Variants in MCF2L2 observed in about 807,000 individuals in gnomAD.
MCF2L2 encodes MCF.2 cell line derived transforming sequence-like 2.
MCF2L2 carries 102 observed loss-of-function variants against 150.2 expected under a neutral mutation model. That is an observed-to-expected ratio of 0.68 (90% CI 0.58 to 0.80). The LOEUF is 0.80. MCF2L2 is among the 30% of genes least tolerant of loss of function. The pLI is 0.00. For synonymous variants in MCF2L2, 465 were observed against 491.3 expected, an observed-to-expected ratio of 0.95 and a Z score of 0.71; for missense variants, 1,256 against 1,372.8, an observed-to-expected ratio of 0.91 and a Z score of 1.34.
intron 1 of MCF2L2, among the ~76,000 whole-genome samples, chr3:183,413,294 T>C (rs1310643385): frequency 2.6e-5 from 4 of 152,210 alleles, no homozygotes; most frequent in Non-Finnish European, 4.4e-5. Context: ...TAACAGTTGA[T>C]TAACACTAAT....
chr3:183,392,115 T>C (rs886976106), intron 1 of MCF2L2, among the ~76,000 whole-genome samples: 5 of 152,190 alleles, frequency 3.3e-5, no homozygotes, highest in African/African-American at 1.2e-4. Context: ...GTGTAATTTA[T>C]TGTTCTTACA....
At chr3:183,408,087 C>T (rs1715132997) in intron 1 of MCF2L2, among the ~76,000 whole-genome samples, 1 of 150,490 alleles carries the variant, frequency 6.6e-6, no homozygotes, top group Admixed American at 6.6e-5. Flanking sequence ...TTTGCTCTCC[C>T]ATCTTCGGAA....
At chr3:183,371,524 G>A (rs985455799) in intron 3 of MCF2L2, among the ~76,000 whole-genome samples, 3 of 149,180 alleles carry the variant, frequency 2.0e-5, no homozygotes, top group African/African-American at 7.4e-5. Flanking sequence ...CTGTAGTGCA[G>A]TGGGGTGATC....
At chr3:183,251,149 T>C (rs1169913412) in intron 15 of MCF2L2, among the ~76,000 whole-genome samples, 1 of 152,332 alleles carries the variant, frequency 6.6e-6, no homozygotes, top group African/African-American at 2.4e-5. Context: ...CGTGATGTGT[T>C]TGAATTCACA....
intron 3 of MCF2L2, among the ~76,000 whole-genome samples, chr3:183,368,579 C>G (rs1712676510): frequency 6.6e-6 from 1 of 152,208 alleles, no homozygotes; most frequent in Admixed American, 6.5e-5. Flanking sequence ...GCCTGGCCAA[C>G]ATGGTGAAAC....
intron 10 of MCF2L2, among the ~76,000 whole-genome samples, chr3:183,301,219 CTA>C (rs1728832006): frequency 6.6e-6 from 1 of 152,016 alleles, no homozygotes. Context: ...TGAGAACCTG[CTA>C]TTTGCCAAAC....
intron 26 of MCF2L2, among the ~76,000 whole-genome samples, chr3:183,193,563 A>C (rs182071075): frequency 7.0e-4 from 107 of 152,060 alleles, no homozygotes; most frequent in East Asian, 9.7e-4. Flanking sequence ...GTTGGCCAGG[A>C]TGGTCTTGAT....
chr3:183,215,977 C>T lies in MCF2L2; in HGVS notation c.2488G>A (p.Glu830Lys). The change falls in exon 22 of 30, where the codon GAA (glutamate) becomes AAA (lysine). Residue 830 changes from glutamate to lysine, a missense_variant. By Grantham distance (56) the Glu-to-Lys change is moderately conservative (BLOSUM62 1). Coordinates refer to ENST00000328913, the MANE Select transcript of MCF2L2 (RefSeq NM_015078.4). ...ELAVDLAAVT[E>K]CPDDIGKLGK... ...ACTACTATGGAACATACCGGACATTCAGTCACTGCTGCTAGGTCCACAGCC... is the reference window on the plus strand; with the variant it reads ...ACTACTATGGAACATACCGGACATTTAGTCACTGCTGCTAGGTCCACAGCC... 6.2e-7 allele frequency: 1 copy of T among 1,613,358 alleles called. No homozygotes were observed. The highest frequency in any genetic ancestry group is 8.5e-7 in the Non-Finnish European group (1 of 1,179,630).
chr3:183,239,223 T>C (rs552482727), intron 15 of MCF2L2, among the ~76,000 whole-genome samples: 3 of 152,268 alleles, frequency 2.0e-5, no homozygotes, highest in East Asian at 1.9e-4. Flanking sequence ...TGCACTAATG[T>C]ACTCTGCGTT....
intron 26 of MCF2L2, among the ~76,000 whole-genome samples, chr3:183,193,644 G>A (rs1026223677): frequency 7.2e-5 from 11 of 152,144 alleles, no homozygotes; most frequent in African/African-American, 2.2e-4. Context: ...AATCTTAAAG[G>A]GGGAAGAGAT....
intron 2 of MCF2L2, among the ~76,000 whole-genome samples, chr3:183,384,842 G>A (rs982663066): frequency 3.3e-5 from 5 of 152,120 alleles, no homozygotes; most frequent in Non-Finnish European, 5.9e-5. Flanking sequence ...GAGTATATTC[G>A]TTGTAGTTGT....
chr3:183,180,318 G>A, intron 27 of MCF2L2, 159 bp from the exon 28 acceptor site: 1 of 574,502 alleles, frequency 1.7e-6, no homozygotes, highest in South Asian at 2.3e-5. Context: ...CTGTGAGGGG[G>A]TCTGTGATCT....
chr3:183,374,778 G>C (rs1394349083), intron 3 of MCF2L2: 1 of 152,124 alleles, frequency 6.6e-6, no homozygotes, highest in Non-Finnish European at 1.5e-5. Flanking sequence ...TCCAGGTTTG[G>C]GCTGTGTTCA....
intron 2 of MCF2L2, among the ~76,000 whole-genome samples, chr3:183,389,406 A>G (rs1422875251): frequency 6.6e-6 from 1 of 152,252 alleles, no homozygotes; most frequent in African/African-American, 2.4e-5. Flanking sequence ...AGCTGATGTC[A>G]GTAGTTGTCT....
At chr3:183,206,053 A>C in intron 24 of MCF2L2, 69 bp downstream of exon 24, 1 of 1,564,624 alleles carries the variant, frequency 6.4e-7, no homozygotes, top group Non-Finnish European at 8.8e-7. Context: ...GATAGAAAAC[A>C]CTTGTCAAGT....
chr3:183,352,671 T>G (rs1711548135), intron 3 of MCF2L2, among the ~76,000 whole-genome samples: 2 of 152,060 alleles, frequency 1.3e-5, no homozygotes, highest in African/African-American at 4.8e-5. Flanking sequence ...CATCAGTAGC[T>G]CTTGAGTAAA....
At chr3:183,191,977 A>AC (rs1294954513) in intron 27 of MCF2L2, among the ~76,000 whole-genome samples, 1 of 145,048 alleles carries the variant, frequency 6.9e-6, no homozygotes, top group Non-Finnish European at 1.5e-5. Flanking sequence ...AGTAGCTGGG[A>AC]CTACAGGCGC....
intron 7 of MCF2L2, among the ~76,000 whole-genome samples, chr3:183,313,857 G>C (rs1170812283): frequency 6.6e-6 from 1 of 152,172 alleles, no homozygotes. Flanking sequence ...GCCTACCAAA[G>C]TTCCCTTTCC....
At chr3:183,188,157 C>T (rs762674914) in intron 27 of MCF2L2, among the ~76,000 whole-genome samples, 18 of 152,130 alleles carry the variant, frequency 1.2e-4, no homozygotes, top group Non-Finnish European at 2.4e-4. Context: ...CTATACATGC[C>T]ACCAGTAGAA....
Sources: allele counts gnomAD v4.1 joint callset (sites outside exome capture counted in the v4.1 genomes callset), GRCh38; gene constraint gnomAD v4.1.1; transcripts MANE v1.5; gene names NCBI Gene and HGNC (gene_info 2026-07-23, HGNC 2026-07-21).